Variants in DAAM1 observed in about 807,000 individuals in gnomAD.
DAAM1 encodes dishevelled associated activator of morphogenesis 1.
A neutral mutation model predicts 130.0 loss-of-function variants in DAAM1; 52 were observed. The ratio of observed to expected loss-of-function variants is 0.40; its 90% CI spans 0.32 to 0.50. The LOEUF (loss-of-function observed/expected upper bound fraction) is 0.50. Among genes scored for constraint, DAAM1 ranks in the 20% least tolerant of loss-of-function variants. The pLI is 0.61. For synonymous variants in DAAM1, 452 were observed against 444.5 expected (o/e 1.02, Z -0.21); for missense variants, 1,134 against 1,303.8 (o/e 0.87, Z 2.01).
intron 1 of DAAM1, among the ~76,000 whole-genome samples, chr14:59,258,244 A>T (rs1468142860): frequency 6.6e-6 from 1 of 152,186 alleles, no homozygotes; most frequent in Non-Finnish European, 1.5e-5. Flanking sequence ...TGTTACTTTT[A>T]TGATGTATGG....
chr14:59,286,431 G>A (rs1252155217), intron 2 of DAAM1, among the ~76,000 whole-genome samples: 1 of 151,964 alleles, frequency 6.6e-6, no homozygotes, highest in Non-Finnish European at 1.5e-5. Flanking sequence ...CAAAATCAGA[G>A]CTAAACTGAA....
chr14:59,326,053 C>T lies in DAAM1; in HGVS notation c.1150C>T (p.Leu384=), dbSNP rs1191867103. Residue 384 remains leucine, a synonymous_variant, in exon 10 of 25, where the codon CTG becomes TTG. Transcript: ENST00000360909. ...SEAYPHFMSI[L]HHCLQMPYKR... ...AGCTTACCCGCATTTCATGTCCATC[C>T]TGCACCACTGCCTCCAAATGCCTTG... The T allele has an allele frequency of 6.2e-7, 1 of 1,614,022 alleles. No individual in the cohort carries two copies. Among genetic ancestry groups the T allele is most frequent in the African/African-American group, 1.3e-5 (1 of 74,922 alleles).
At chr14:59,232,411 T>A (rs1188954166) in intron 1 of DAAM1, among the ~76,000 whole-genome samples, 1 of 152,136 alleles carries the variant, frequency 6.6e-6, no homozygotes, top group Non-Finnish European at 1.5e-5. Flanking sequence ...AAATGCAAAG[T>A]TGTCTTTTCA....
rs1418209903 is a variant in DAAM1, at chr14:59,263,530, T to G, written c.53T>G (p.Phe18Cys). Residue 18 changes from phenylalanine (F) to cysteine (C), a missense_variant, in exon 2 of 25, where the codon TTC becomes TGC. By Grantham distance (205) the Phe-to-Cys change is radical. Coordinates refer to ENST00000360909, the MANE Select transcript of DAAM1 (RefSeq NM_001270520.2). ...GRGISFIFCCFRNNDHPEITY... is the reference protein window; with the variant it reads ...GRGISFIFCCCRNNDHPEITY... The stretch of plus-strand genomic sequence containing the variant: ...GGTATTTCATTCATCTTTTGCTGTT[T>G]CCGAAATAATGATCACCCAGAAATC... 6 of 1,614,210 alleles carry G rather than the reference T, an allele frequency of 3.7e-6. No individual in the cohort carries two copies. The highest frequency in any genetic ancestry group is 1.3e-5 in the African/African-American group (1 of 75,048).
chr14:59,217,676 A>G (rs1888629751), intron 1 of DAAM1, among the ~76,000 whole-genome samples: 2 of 152,000 alleles, frequency 1.3e-5, no homozygotes, highest in Admixed American at 1.3e-4. Flanking sequence ...GTCGCTACAA[A>G]AAAGTACAAA....
intron 1 of DAAM1, among the ~76,000 whole-genome samples, chr14:59,211,603 C>G (rs1193903020): frequency 6.6e-6 from 1 of 152,142 alleles, no homozygotes; most frequent in African/African-American, 2.4e-5. Flanking sequence ...CATTCAAATG[C>G]CAGATGATTG....
intron 3 of DAAM1, among the ~76,000 whole-genome samples, chr14:59,294,407 AC>A (rs1373257982): frequency 6.6e-6 from 1 of 152,170 alleles, no homozygotes; most frequent in Non-Finnish European, 1.5e-5. Context: ...TCAGACTAAA[AC>A]GATTCAAAAG....
chr14:59,359,810 T>TAAG (rs1483989801), intron 21 of DAAM1, among the ~76,000 whole-genome samples: 4 of 152,236 alleles, frequency 2.6e-5, no homozygotes, highest in African/African-American at 7.2e-5. Context: ...ATAGAAGACC[T>TAAG]AAGTGTCAGA....
At chr14:59,250,711 A>G (rs2139480910) in intron 1 of DAAM1, among the ~76,000 whole-genome samples, 1 of 152,324 alleles carries the variant, frequency 6.6e-6, no homozygotes, top group South Asian at 2.1e-4. Context: ...TTTATTGAGC[A>G]TCTTGTGCGT....
chr14:59,314,555 G>A (rs1054037314), intron 3 of DAAM1, among the ~76,000 whole-genome samples: 1 of 152,020 alleles, frequency 6.6e-6, no homozygotes, highest in Admixed American at 6.6e-5. Context: ...GGGGGCTTAG[G>A]GGCTGGCTCC....
chr14:59,248,535 T>G (rs1881498162), intron 1 of DAAM1, among the ~76,000 whole-genome samples: 1 of 152,206 alleles, frequency 6.6e-6, no homozygotes, highest in Admixed American at 6.5e-5. Context: ...AACACACTCT[T>G]TCTTGCCGCC....
At chr14:59,208,519 A>G (rs921755787) in intron 1 of DAAM1, among the ~76,000 whole-genome samples, 20 of 152,076 alleles carry the variant, frequency 1.3e-4, no homozygotes, top group African/African-American at 4.6e-4. Flanking sequence ...ACTGACCACC[A>G]TCTCTAGGCA....
At chr14:59,238,051 T>C (rs908398679) in intron 1 of DAAM1, among the ~76,000 whole-genome samples, 4 of 152,040 alleles carry the variant, frequency 2.6e-5, no homozygotes, top group Non-Finnish European at 5.9e-5. Context: ...GTAAAATGAG[T>C]GTCTTGGATG....
At chr14:59,239,352 T>A (rs942905942) in intron 1 of DAAM1, among the ~76,000 whole-genome samples, 1 of 152,072 alleles carries the variant, frequency 6.6e-6, no homozygotes, top group Non-Finnish European at 1.5e-5. Context: ...TTGCAAAAAA[T>A]GATTATAATG....
chr14:59,325,699 A>G lies in DAAM1; in HGVS notation c.1025A>G (p.Asp342Gly). 1 of 1,614,082 alleles carries G rather than the reference A, an allele frequency of 6.2e-7. No homozygotes were observed. The highest frequency in any genetic ancestry group is 8.5e-7 in the Non-Finnish European group (1 of 1,179,998). The change falls in exon 9 of 25, where the codon GAT (aspartate) becomes GGT (glycine). Residue 342 changes from aspartate to glycine, a missense_variant. This residue lies in a region of DAAM1 where 391 missense variants were observed against 521.6 expected (regional missense o/e 0.75). Coordinates refer to ENST00000360909, the MANE Select transcript of DAAM1 (RefSeq NM_001270520.2). ...LDFFEMLRNE[D>G]ELEFAKRFEL... ...TTTTTTGAAATGCTCCGAAATGAAG[A>G]TGAACTAGAATTTGCCAAAAGATTT... is the stretch of plus-strand genomic sequence containing the variant.
chr14:59,322,652 T>C (rs7161504), intron 5 of DAAM1, among the ~76,000 whole-genome samples: 33,795 of 152,126 alleles, frequency 0.22, 3,885 homozygotes, highest in East Asian at 0.33. Flanking sequence ...TGTTTGGTTC[T>C]TTGTACCCAT....
chr14:59,340,480 C>T (rs964736487), intron 16 of DAAM1, among the ~76,000 whole-genome samples: 5 of 152,202 alleles, frequency 3.3e-5, no homozygotes, highest in Admixed American at 2.0e-4. Context: ...TTTATTTACA[C>T]TTCTTGGCCT....
At chr14:59,312,716 T>C (rs1045486404) in intron 3 of DAAM1, among the ~76,000 whole-genome samples, 1 of 152,218 alleles carries the variant, frequency 6.6e-6, no homozygotes, top group Non-Finnish European at 1.5e-5. Flanking sequence ...ATGAAAAATG[T>C]GCTATTTGGA....
intron 1 of DAAM1, among the ~76,000 whole-genome samples, chr14:59,217,919 G>A (rs111608226): frequency 0.059 from 8,962 of 151,890 alleles, 374 homozygotes; most frequent in Non-Finnish European, 0.089. Flanking sequence ...CCCAGGAGGC[G>A]GAGGTTGCAC....
Sources: allele counts gnomAD v4.1 joint callset (sites outside exome capture counted in the v4.1 genomes callset), GRCh38; gene constraint gnomAD v4.1.1; regional missense constraint gnomAD v4.1.1; transcripts MANE v1.5; gene names NCBI Gene and HGNC (gene_info 2026-07-23, HGNC 2026-07-21).